Variants in FBXL7 observed in about 807,000 individuals in gnomAD.
FBXL7 encodes F-box/LRR-repeat protein 7.
Under a neutral mutation model 38.3 loss-of-function variants are expected in FBXL7, and 12 were observed. The ratio of observed to expected loss-of-function variants is 0.31; its 90% CI spans 0.20 to 0.51. The LOEUF is 0.51. Among genes scored for constraint, FBXL7 ranks in the 20% least tolerant of loss-of-function variants. The pLI is 0.98. For synonymous variants in FBXL7, 297 were observed against 300.9 expected (o/e 0.99, Z 0.13); for missense variants, 567 against 676.4 (o/e 0.84, Z 1.79).
chr5:15,820,044 C>G (rs1738129767), intron 2 of FBXL7, among the ~76,000 whole-genome samples: 1 of 152,170 alleles, frequency 6.6e-6, no homozygotes, highest in East Asian at 1.9e-4. Context: ...TATTCAGAGT[C>G]TAGGGAAAAG....
intron 2 of FBXL7, among the ~76,000 whole-genome samples, chr5:15,778,802 C>A (rs973840437): frequency 6.6e-6 from 1 of 151,906 alleles, no homozygotes; most frequent in African/African-American, 2.4e-5. Context: ...CTTCCAGAAG[C>A]CAAATAAAAC....
Position 15,928,252 on chromosome 5 carries a change from A to C in FBXL7, c.490A>C (p.Ile164Leu), listed in dbSNP as rs1741944129. The C allele has an allele frequency of 5.6e-6, 9 of 1,612,048 alleles. No homozygotes were observed. Among genetic ancestry groups the C allele is most frequent in the Non-Finnish European group, 7.6e-6 (9 of 1,179,206 alleles). ...WRTIRLTGET[I>L]NVDRALKVLT... ...GACTATCCGCCTGACGGGCGAGACC[A>C]TCAACGTGGACCGCGCCCTCAAGGT... The change falls in exon 3 of 4, where the codon ATC becomes CTC. Residue 164 changes from isoleucine (I) to leucine (L), a missense_variant. By Grantham distance (5) the Ile-to-Leu change is conservative (BLOSUM62 2). Coordinates refer to ENST00000504595, the MANE Select transcript of FBXL7 (RefSeq NM_012304.5). The surrounding 1 kb of genome is among the most constrained non-coding windows in gnomAD (Gnocchi z 4.0).
At chr5:15,883,656 C>G (rs1030492137) in intron 2 of FBXL7, among the ~76,000 whole-genome samples, 2 of 152,150 alleles carry the variant, frequency 1.3e-5, no homozygotes, top group African/African-American at 4.8e-5. Flanking sequence ...CACTGCTGGT[C>G]AAATTGCCAG....
At chr5:15,519,872 A>G (rs999845998) in intron 1 of FBXL7, among the ~76,000 whole-genome samples, 1 of 152,206 alleles carries the variant, frequency 6.6e-6, no homozygotes, top group South Asian at 2.1e-4. Context: ...ATCTCTCACA[A>G]GAAAGAATTC....
intron 2 of FBXL7, among the ~76,000 whole-genome samples, chr5:15,681,621 G>A (rs920422318): frequency 6.6e-6 from 1 of 152,284 alleles, no homozygotes; most frequent in Admixed American, 6.5e-5. Context: ...TTTTAGGTAT[G>A]TGTTCTATTT....
intron 1 of FBXL7, chr5:15,580,617 C>A (rs1739107698): frequency 1.0e-6 from 1 of 985,230 alleles, no homozygotes; most frequent in African/African-American, 1.7e-5. Context: ...TTGTAACAGG[C>A]AGATCCACAA....
At chr5:15,633,635 T>G (rs1741069771) in intron 2 of FBXL7, among the ~76,000 whole-genome samples, 1 of 151,922 alleles carries the variant, frequency 6.6e-6, no homozygotes, top group South Asian at 2.1e-4. Flanking sequence ...ACTCATCAAA[T>G]GTTTCCTAAA....
At chr5:15,559,334 TCA>T (rs1381555145) in intron 1 of FBXL7, among the ~76,000 whole-genome samples, 5 of 152,122 alleles carry the variant, frequency 3.3e-5, no homozygotes, top group African/African-American at 1.2e-4. Flanking sequence ...GTCATGGAGC[TCA>T]CAATGAAAAA....
intron 2 of FBXL7, among the ~76,000 whole-genome samples, chr5:15,655,233 C>T (rs568956649): frequency 1.6e-4 from 25 of 152,268 alleles, no homozygotes; most frequent in Middle Eastern, 3.4e-3. Flanking sequence ...CGGTGGCTCA[C>T]GCCTGTAATC....
intron 2 of FBXL7, among the ~76,000 whole-genome samples, chr5:15,923,329 A>T (rs1409869785): frequency 6.6e-6 from 1 of 152,192 alleles, no homozygotes; most frequent in African/African-American, 2.4e-5. Flanking sequence ...TACTTAGGAG[A>T]TAGAAATGGT....
Position 15,928,274 on chromosome 5 carries a change from A to G in FBXL7, c.512A>G (p.Lys171Arg). ...GETINVDRAL[K>R]VLTRRLCQDT... ...ACCATCAACGTGGACCGCGCCCTCA[A>G]GGTGCTGACCCGCAGACTCTGCCAG... The change falls in exon 3 of 4, where the codon AAG becomes AGG. Residue 171 changes from lysine to arginine, a missense_variant. Lys to Arg is a conservative substitution (Grantham distance 26, BLOSUM62 2). Coordinates refer to ENST00000504595, the MANE Select transcript of FBXL7 (RefSeq NM_012304.5). The surrounding 1 kb of genome is among the most constrained non-coding windows in gnomAD (Gnocchi z 4.0). 6.2e-7 allele frequency: 1 copy of G among 1,612,834 alleles called. No homozygotes were observed.
chr5:15,765,672 G>A (rs1036919626), intron 2 of FBXL7, among the ~76,000 whole-genome samples: 7 of 152,200 alleles, frequency 4.6e-5, no homozygotes, highest in Admixed American at 1.3e-4. Flanking sequence ...TCTAGGGTAA[G>A]TGGCACCATG....
chr5:15,573,580 A>T (rs1738861035), intron 1 of FBXL7, among the ~76,000 whole-genome samples: 1 of 152,200 alleles, frequency 6.6e-6, no homozygotes, highest in Admixed American at 6.5e-5. Flanking sequence ...AAAGGAAGGC[A>T]GTGTAGAAGT....
chr5:15,629,689 T>C (rs1359814983), intron 2 of FBXL7, among the ~76,000 whole-genome samples: 1 of 152,184 alleles, frequency 6.6e-6, no homozygotes, highest in East Asian at 1.9e-4. Context: ...TGAAGTCTTT[T>C]GAGGTAGGAA....
intron 2 of FBXL7, among the ~76,000 whole-genome samples, chr5:15,716,660 G>T (rs17602392): frequency 0.55 from 83,022 of 151,954 alleles, 22,980 homozygotes; most frequent in East Asian, 0.73. Flanking sequence ...CATGATTTTT[G>T]CATGCATCAT....
In FBXL7 at chr5:15,645,850, C is replaced by T. The variant is rs555753452; in HGVS notation, c.127+29778C>T. ...AACAAAATGACTTGGCTGTGTTGTTCACTTGAAAACGACAATGTTGTTGCC... is the reference window on the plus strand; with the variant it reads ...AACAAAATGACTTGGCTGTGTTGTTTACTTGAAAACGACAATGTTGTTGCC... On this transcript the variant is annotated intron_variant, in intron 2 of 3. Coordinates refer to ENST00000504595, the MANE Select transcript of FBXL7 (RefSeq NM_012304.5). Among the ~76,000 whole-genome samples the T allele has an allele frequency of 2.6e-5, 4 of 152,308 alleles. No homozygotes were observed. The East Asian group carries it at 5.8e-4, about 22-fold the overall frequency.
intron 2 of FBXL7, among the ~76,000 whole-genome samples, chr5:15,791,714 T>C (rs181413750): frequency 1.1e-3 from 161 of 152,238 alleles, no homozygotes; most frequent in Non-Finnish European, 2.0e-3. Context: ...AGACTTTGTG[T>C]GGCAGAGGAA....
chr5:15,592,605 T>C (rs1739514539), intron 1 of FBXL7, among the ~76,000 whole-genome samples: 1 of 152,208 alleles, frequency 6.6e-6, no homozygotes, highest in African/African-American at 2.4e-5. Flanking sequence ...CTCATGGAAA[T>C]GTTGTGCCAT....
At chr5:15,878,328 C>T (rs1199546551) in intron 2 of FBXL7, among the ~76,000 whole-genome samples, 1 of 152,144 alleles carries the variant, frequency 6.6e-6, no homozygotes, top group Non-Finnish European at 1.5e-5. Context: ...TACTGAAACA[C>T]ACAATAAACT....
Sources: gnomAD v4.1 joint callset for allele counts (sites outside exome capture counted in the v4.1 genomes callset) on GRCh38, gnomAD v4.1.1 for gene constraint, Gnocchi (gnomAD v3.1) non-coding constraint, MANE v1.5 for transcripts, NCBI Gene and HGNC (gene_info 2026-07-23, HGNC 2026-07-21) for gene names.